Variants in SLC44A5 observed in about 807,000 individuals in gnomAD.
The protein encoded by SLC44A5 is solute carrier family 44 member 5, also known as choline transporter-like protein 5.
SLC44A5 carries 57 observed loss-of-function variants against 101.8 expected under a neutral mutation model. That is an observed-to-expected ratio of 0.56 (90% confidence interval 0.45 to 0.70). The LOEUF is 0.70. Among genes scored for constraint, SLC44A5 ranks in the 30% least tolerant of loss-of-function variants. The pLI, the probability that SLC44A5 is intolerant of heterozygous loss-of-function variation, is 0.00. For synonymous variants in SLC44A5, 281 were observed against 290.9 expected, an observed-to-expected ratio of 0.97 and a Z score of 0.35; for missense variants, 737 against 853.1, an observed-to-expected ratio of 0.86 and a Z score of 1.70.
the SLC44A5 span, among the ~76,000 whole-genome samples, chr1:75,657,837 C>A: frequency 6.6e-6 from 1 of 152,068 alleles, no homozygotes; most frequent in Non-Finnish European, 1.5e-5. Context: ...AAGGACTTCA[C>A]TGTCCCTCTA....
the SLC44A5 span, among the ~76,000 whole-genome samples, chr1:75,698,324 T>A: frequency 6.6e-6 from 1 of 152,294 alleles, no homozygotes; most frequent in South Asian, 2.1e-4. Flanking sequence ...ACAGACTGCC[T>A]CCTCAAGTGG....
In SLC44A5 at chr1:75,463,892, A is replaced by G. The variant is rs552317234; in HGVS notation, c.14-67271T>C. 3.0e-3 allele frequency among the ~76,000 whole-genome samples: 421 copies of G among 140,662 alleles called. 6 individuals carry two copies. The South Asian group carries it at 0.042, about 14-fold the overall frequency. 92.3% of individuals were successfully genotyped at this position (140,662 alleles called of 152,430 possible). On this transcript the variant is annotated intron_variant, in intron 2 of 23. Transcript: ENST00000370859. ...CTAAACAATGAACCAAACAAAAACA[A>G]TAACAACTTTTTGAGACATAGCACA...
At chr1:75,665,354 A>G in the SLC44A5 span, among the ~76,000 whole-genome samples, 1 of 152,178 alleles carries the variant, frequency 6.6e-6, no homozygotes, top group Admixed American at 6.5e-5. Flanking sequence ...GCAGTAGGGA[A>G]AGAACTCTCT....
At chr1:75,485,893 A>G (rs931663992) in intron 2 of SLC44A5, among the ~76,000 whole-genome samples, 9 of 152,090 alleles carry the variant, frequency 5.9e-5, no homozygotes, top group African/African-American at 2.2e-4. Flanking sequence ...ACCACACTTT[A>G]AAACCATCAG....
chr1:75,706,377 G>A, the SLC44A5 span, among the ~76,000 whole-genome samples: 1 of 151,924 alleles, frequency 6.6e-6, no homozygotes, highest in Non-Finnish European at 1.5e-5. Flanking sequence ...TATAATTTTT[G>A]CAAATATTCC....
At chr1:75,517,798 A>G (rs1320255342) in intron 2 of SLC44A5, among the ~76,000 whole-genome samples, 2 of 152,216 alleles carry the variant, frequency 1.3e-5, no homozygotes, top group African/African-American at 4.8e-5. Context: ...AGAGTTTTCA[A>G]CAGTAACTTT....
chr1:75,218,443 C>G (rs1026614358), intron 17 of SLC44A5, 47 bp downstream of exon 17: 1 of 1,603,664 alleles, frequency 6.2e-7, no homozygotes, highest in South Asian at 1.1e-5. Context: ...TACAAGCACA[C>G]TAAATGTAAC....
At position 75,509,582 on chromosome 1, in the gene SLC44A5, T is replaced by A. The variant is rs181048626; in HGVS notation, c.13+31853A>T. On this transcript the variant is annotated intron_variant, in intron 2 of 23. Coordinates refer to ENST00000370859, the MANE Select transcript of SLC44A5 (RefSeq NM_001130058.2). ...GTAATTTATAGGAGAAAACTATTTG[T>A]AAAGAGGAGGCAGATATAAGAGTTA... 3.9e-4 allele frequency among the ~76,000 whole-genome samples: 60 copies of A among 152,308 alleles called. 1 individual carries two copies. The highest frequency in any genetic ancestry group is 1.4e-3 in the African/African-American group (60 of 41,568).
chr1:75,655,487 C>A, the SLC44A5 span, among the ~76,000 whole-genome samples: 1 of 152,162 alleles, frequency 6.6e-6, no homozygotes, highest in Non-Finnish European at 1.5e-5. Flanking sequence ...TCAGCTGCAT[C>A]CAGGCCATAG....
intron 2 of SLC44A5, among the ~76,000 whole-genome samples, chr1:75,431,833 T>C (rs1354103278): frequency 1.3e-5 from 2 of 152,174 alleles, no homozygotes; most frequent in Non-Finnish European, 2.9e-5. Flanking sequence ...GTAATTCAAG[T>C]AAATGCTCAA....
At chr1:75,425,274 G>A (rs1254650076) in intron 2 of SLC44A5, among the ~76,000 whole-genome samples, 1 of 152,184 alleles carries the variant, frequency 6.6e-6, no homozygotes, top group Non-Finnish European at 1.5e-5. Context: ...ACTATGTTAG[G>A]CACATGTTAG....
intron 2 of SLC44A5, among the ~76,000 whole-genome samples, chr1:75,477,466 TA>T (rs1285692068): frequency 6.6e-6 from 1 of 151,974 alleles, no homozygotes; most frequent in Non-Finnish European, 1.5e-5. Context: ...GTTACAGGAG[TA>T]AATTCAAACC....
chr1:75,580,580 C>G (rs1454426564), intron 1 of SLC44A5, among the ~76,000 whole-genome samples: 1 of 152,178 alleles, frequency 6.6e-6, no homozygotes, highest in Non-Finnish European at 1.5e-5. Context: ...TGGCTCACAC[C>G]TGTAATCCCA....
chr1:75,462,948 A>C (rs1315422439), intron 2 of SLC44A5, among the ~76,000 whole-genome samples: 2 of 152,168 alleles, frequency 1.3e-5, no homozygotes, highest in Non-Finnish European at 2.9e-5. Flanking sequence ...AAGAGAAGGT[A>C]GAGAAAGGAA....
At chr1:75,641,282 AAG>A in the SLC44A5 span, 1 of 605,286 alleles carries the variant, frequency 1.7e-6, no homozygotes, top group Non-Finnish European at 2.9e-6. Context: ...CACTTTTGTT[AAG>A]AAAGAGTCCA....
intron 2 of SLC44A5, among the ~76,000 whole-genome samples, chr1:75,478,527 C>T (rs980151816): frequency 3.9e-5 from 6 of 151,948 alleles, no homozygotes; most frequent in Admixed American, 1.3e-4. Context: ...CAGAGACACA[C>T]ATAGGCTCAA....
intron 4 of SLC44A5, among the ~76,000 whole-genome samples, chr1:75,320,331 G>A (rs185584573): frequency 1.1e-4 from 17 of 152,130 alleles, no homozygotes; most frequent in Admixed American, 8.5e-4. Flanking sequence ...AAAAGATAAG[G>A]AAGTTGATCA....
At chr1:75,643,849 G>A in the SLC44A5 span, among the ~76,000 whole-genome samples, 23 of 152,182 alleles carry the variant, frequency 1.5e-4, no homozygotes, top group Admixed American at 1.5e-3. Flanking sequence ...TCTTAGATAT[G>A]TCTTTATTAG....
At chr1:75,414,639 T>C (rs1045381456) in intron 2 of SLC44A5, among the ~76,000 whole-genome samples, 4 of 152,176 alleles carry the variant, frequency 2.6e-5, no homozygotes, top group Non-Finnish European at 5.9e-5. Flanking sequence ...AACTTGACTT[T>C]GTGAGTCAAG....
Sources: gnomAD v4.1 joint callset for allele counts (sites outside exome capture counted in the v4.1 genomes callset) on GRCh38, gnomAD v4.1.1 for gene constraint, MANE v1.5 for transcripts, NCBI Gene and HGNC (gene_info 2026-07-23, HGNC 2026-07-21) for gene names.